The following ATAD2B variants were observed in gnomAD, a reference collection of about 807,000 sequenced individuals.
ATAD2B encodes the protein ATPase family AAA domain-containing protein 2B.
A neutral mutation model predicts 167.6 loss-of-function variants in ATAD2B; 40 were observed. That is an observed-to-expected ratio of 0.24 (90% CI 0.19 to 0.31). The LOEUF (loss-of-function observed/expected upper bound fraction) is 0.31, where lower values mean the gene tolerates loss of function less well. ATAD2B is among the 10% of genes least tolerant of loss of function. ATAD2B has a pLI of 1.00. For missense variants in ATAD2B, 1,242 were observed against 1,757.2 expected, an observed-to-expected ratio of 0.71 and a Z score of 5.24; for synonymous variants, 579 against 596.5, an observed-to-expected ratio of 0.97 and a Z score of 0.43.
chr2:23,889,942 C>T (rs541072432), intron 2 of ATAD2B, among the ~76,000 whole-genome samples: 13 of 150,656 alleles, frequency 8.6e-5, no homozygotes, highest in South Asian at 8.4e-4. Context: ...AGGCTGGGCG[C>T]GGTGGCTCAT....
At chr2:23,705,160 C>T in the ATAD2B span, among the ~76,000 whole-genome samples, 1 of 152,240 alleles carries the variant, frequency 6.6e-6, no homozygotes. Context: ...CATTGCGCTC[C>T]ACTTGGGAGG....
chr2:23,782,883 T>C lies in ATAD2B; in HGVS notation c.3119A>G (p.Asp1040Gly). The C allele has an allele frequency of 6.2e-7, 1 of 1,610,168 alleles. No homozygotes were observed. The highest frequency in any genetic ancestry group is 8.5e-7 in the Non-Finnish European group (1 of 1,178,212). ...TGCATCCTTACCTCCTGGGTCCTTA[T>C]CTGGATTATACTCTAAAGCATTGCT... The part of the protein sequence containing the change: ...ICSNALEYNP[D>G]KDPGDKIIRH... Residue 1040 changes from aspartate (D) to glycine (G), a missense_variant, in exon 22 of 28, where the codon GAT becomes GGT. By Grantham distance (94) the Asp-to-Gly change is moderately conservative. Transcript: ENST00000238789.
chr2:23,762,192 T>C lies in ATAD2B; in HGVS notation c.3394+17A>G, dbSNP rs1415748431. 4.3e-6 allele frequency: 7 copies of C among 1,612,046 alleles called. No homozygotes were observed. Among genetic ancestry groups the C allele is most frequent in the Non-Finnish European group, 5.9e-6 (7 of 1,178,664 alleles). ...CAGTTGTTCTCACTACTGGATAACA[T>C]GAGCTGAAATACTCACATGCACATT... On this transcript the variant is annotated intron_variant, in intron 24 of 27. Transcript: ENST00000238789.
chr2:23,725,516 C>A, the ATAD2B span, among the ~76,000 whole-genome samples: 1 of 152,090 alleles, frequency 6.6e-6, no homozygotes, highest in Admixed American at 6.5e-5. Context: ...TCAAATATAA[C>A]ATATGGCTGG....
At position 23,852,849 on chromosome 2, in the gene ATAD2B, G is replaced by A. The variant is rs1413769547; in HGVS notation, c.1568+4566C>T. On this transcript the variant is annotated intron_variant, in intron 13 of 27. Coordinates refer to ENST00000238789, the MANE Select transcript of ATAD2B (RefSeq NM_017552.4). ...CAAGAGAATCACTTGAACCCAGGAG[G>A]TGGAGGTTGCAGTGAGCCGAGATCA... Among the ~76,000 whole-genome samples the A allele has an allele frequency of 6.6e-5, 10 of 151,728 alleles. No homozygotes were observed. The East Asian group carries it at 1.7e-3, about 26-fold the overall frequency.
intron 1 of ATAD2B, among the ~76,000 whole-genome samples, chr2:23,908,012 G>A (rs1008067658): frequency 2.6e-5 from 4 of 151,998 alleles, no homozygotes; most frequent in Admixed American, 6.6e-5. Context: ...AGACTTAAGC[G>A]TTAGACCTAA....
chr2:23,757,806 G>A lies in ATAD2B; in HGVS notation c.3690C>T (p.Asn1230=), dbSNP rs1301397583. The A allele has an allele frequency of 6.4e-7, 1 of 1,569,494 alleles. No individual in the cohort carries two copies. The highest frequency in any genetic ancestry group is 8.6e-7 in the Non-Finnish European group (1 of 1,163,460). The change falls in exon 25 of 28, where the codon AAC becomes AAT. Residue 1230 remains asparagine (N), a synonymous_variant. Coordinates refer to ENST00000238789, the MANE Select transcript of ATAD2B (RefSeq NM_017552.4). ...AACTTTCCTCCTCAGTAGATGCAAA[G>A]TTCTCTTTTGTGCCTGCTCCATTGT... is the stretch of plus-strand genomic sequence containing the variant. The part of the protein sequence containing the change: ...RLNNGAGTKE[N]FASTEEESSN...
intron 24 of ATAD2B, 73 bp downstream of exon 24, chr2:23,762,136 T>A: frequency 2.0e-6 from 3 of 1,493,510 alleles, no homozygotes. Context: ...CTTTGTTTTG[T>A]ACCCAATTCC....
chr2:23,869,906 G>T, intron 8 of ATAD2B, 145 bp from the exon 9 acceptor site: 1 of 566,414 alleles, frequency 1.8e-6, no homozygotes, highest in Admixed American at 3.3e-5. Flanking sequence ...TTTACATGAA[G>T]TATAAAGGTA....
At chr2:23,703,156 A>C in the ATAD2B span, 2 of 1,395,868 alleles carry the variant, frequency 1.4e-6, no homozygotes, top group Non-Finnish European at 1.9e-6. Context: ...GTCCATCTTG[A>C]CCCTGGGCTC....
chr2:23,883,058 G>A (rs1472097615), intron 6 of ATAD2B, among the ~76,000 whole-genome samples: 5 of 151,942 alleles, frequency 3.3e-5, no homozygotes, highest in Non-Finnish European at 5.9e-5. Context: ...AAGACTATTT[G>A]AGCTCACGAG....
chr2:23,913,241 T>C (rs941549027), intron 1 of ATAD2B, among the ~76,000 whole-genome samples: 1 of 152,194 alleles, frequency 6.6e-6, no homozygotes, highest in African/African-American at 2.4e-5. Context: ...ATACAAACTA[T>C]GTTAAGTGAG....
intron 4 of ATAD2B, among the ~76,000 whole-genome samples, chr2:23,887,465 A>C (rs1229862306): frequency 6.6e-6 from 1 of 152,176 alleles, no homozygotes; most frequent in Non-Finnish European, 1.5e-5. Context: ...TTAAGCCCAA[A>C]TTTGATGTTA....
At chr2:23,800,930 A>C (rs1417627329) in intron 18 of ATAD2B, among the ~76,000 whole-genome samples, 2 of 152,146 alleles carry the variant, frequency 1.3e-5, no homozygotes, top group Non-Finnish European at 2.9e-5. Context: ...GTGTATAATT[A>C]CATGAATTGA....
At chr2:23,794,562 T>C (rs953868482) in intron 19 of ATAD2B, among the ~76,000 whole-genome samples, 1 of 152,160 alleles carries the variant, frequency 6.6e-6, no homozygotes, top group Non-Finnish European at 1.5e-5. Context: ...ATTTCCAAAC[T>C]TTTTTGATCA....
chr2:23,900,240 A>T (rs978766886), intron 1 of ATAD2B, among the ~76,000 whole-genome samples: 7 of 150,766 alleles, frequency 4.6e-5, no homozygotes, highest in African/African-American at 1.7e-4. Flanking sequence ...TTATATTTTT[A>T]TTATTTTATT....
chr2:23,888,464 A>T (rs1485312268), intron 2 of ATAD2B, 65 bp from the exon 3 acceptor site: 12 of 971,838 alleles, frequency 1.2e-5, no homozygotes, highest in Non-Finnish European at 1.6e-5. Flanking sequence ...AAGAAATGAA[A>T]TACTGCTGGA....
intron 19 of ATAD2B, among the ~76,000 whole-genome samples, chr2:23,789,868 G>A (rs1287439972): frequency 6.6e-6 from 1 of 152,106 alleles, no homozygotes; most frequent in African/African-American, 2.4e-5. Context: ...AGGTAATAAA[G>A]TGAATAAAGA....
chr2:23,913,109 T>C (rs1305248725), intron 1 of ATAD2B, among the ~76,000 whole-genome samples: 3 of 152,230 alleles, frequency 2.0e-5, no homozygotes, highest in Non-Finnish European at 4.4e-5. Flanking sequence ...TTTTCCATCA[T>C]ACATTTTTAT....
Sources: gnomAD v4.1 joint callset for allele counts (sites outside exome capture counted in the v4.1 genomes callset) on GRCh38, gnomAD v4.1.1 for gene constraint, MANE v1.5 for transcripts, NCBI Gene and HGNC (gene_info 2026-07-23, HGNC 2026-07-21) for gene names.